The following C4orf54 variants were observed in gnomAD, a reference collection of about 807,000 sequenced individuals.
C4orf54 encodes uncharacterized protein C4orf54.
Under a neutral mutation model 80.1 loss-of-function variants are expected in C4orf54, and 67 were observed. The observed-to-expected ratio is 0.84, with a 90% CI of 0.69 to 1.03. The LOEUF is 1.03. C4orf54 is among the 50% of genes least tolerant of loss of function. C4orf54 has a pLI of 0.00. For synonymous variants in C4orf54, 1,000 were observed against 917.0 expected (o/e 1.09, Z -1.64); for missense variants, 2,434 against 2,253.5 (o/e 1.08, Z -1.62).
chr4:99,649,149 G>T, intron 2 of C4orf54, 82 bp downstream of exon 2: 1 of 1,265,410 alleles, frequency 7.9e-7, no homozygotes, highest in Non-Finnish European at 1.1e-6. Context: ...CTCCTTTATT[G>T]TAAATCTCTC....
Position 99,650,959 on chromosome 4 carries a change from C to G in C4orf54, c.3690G>C (p.Lys1230Asn). ...CCTCCTCCTTGAGCTTCTCTGGGGT[C>G]TTCTGGGTGGAAGCCTTGGAGACAA... is the stretch of plus-strand genomic sequence containing the variant. ...LKIVSKASTQKTPEKLKEEEV... is the reference protein window; with the variant it reads ...LKIVSKASTQNTPEKLKEEEV... The change falls in exon 2 of 3, where the codon AAG becomes AAC. Residue 1230 changes from lysine (K) to asparagine (N), a missense_variant. Coordinates refer to ENST00000511828, the MANE Select transcript of C4orf54 (RefSeq NM_001354435.2). The G allele has an allele frequency of 6.5e-7, 1 of 1,536,150 alleles. No homozygotes were observed. The highest frequency in any genetic ancestry group is 8.7e-7 in the Non-Finnish European group (1 of 1,146,924).
At position 99,652,684 on chromosome 4, in the gene C4orf54, T is replaced by G; in HGVS notation, c.1965A>C (p.Glu655Asp). 6.5e-7 allele frequency: 1 copy of G among 1,536,022 alleles called. No homozygotes were observed. The highest frequency in any genetic ancestry group is 8.7e-7 in the Non-Finnish European group (1 of 1,146,878). Residue 655 changes from glutamate (E) to aspartate (D), a missense_variant, in exon 2 of 3, where the codon GAA becomes GAC. Transcript: ENST00000511828. ...AAGTTGACCAGCGCCCAAAGCCCAC[T>G]TCGGAGAGCGTGGTGGAGGACTCCC... is the stretch of plus-strand genomic sequence containing the variant. ...SSRESSTTLS[E>D]VGFGRWSTFL...
chr4:99,637,174 A>G lies in C4orf54; in HGVS notation c.*4059T>C, dbSNP rs983403279. On this transcript the variant is annotated 3_prime_UTR_variant, in exon 3 of 3. Coordinates refer to ENST00000511828, the MANE Select transcript of C4orf54 (RefSeq NM_001354435.2). ...TTAACACTAGCCATAAAAAGCAATTATGAAACTTAAAAAAAGAAAAAGAAA... is the reference window on the plus strand; with the variant it reads ...TTAACACTAGCCATAAAAAGCAATTGTGAAACTTAAAAAAAGAAAAAGAAA... 1.3e-5 allele frequency: 2 copies of G among 152,214 alleles called. No individual in the cohort carries two copies. Among genetic ancestry groups the G allele is most frequent in the African/African-American group, 2.4e-5 (1 of 41,462 alleles). The allele number at this position is 152,214 out of a possible 1,614,324, so 9.4% of individuals were successfully genotyped here. A position where few individuals can be genotyped will look rare whatever the true frequency, so the allele number is the denominator to read the frequency against.
Position 99,653,986 on chromosome 4 carries a change from AC to A in C4orf54, c.662del (p.Gly221ValfsTer55). 6.5e-7 allele frequency: 1 copy of A among 1,535,714 alleles called. No individual in the cohort carries two copies. The highest frequency in any genetic ancestry group is 1.2e-5 in the South Asian group (1 of 84,028). On this transcript the variant is annotated frameshift_variant, in exon 2 of 3. Transcript: ENST00000511828. LOFTEE classifies it high-confidence loss of function. ...CCTTTGGGCTCCTAGAGGCCCTCTG[AC>A]CCCCAGGGCAGTGCCCCAGGGTAAG... The part of the protein sequence containing the change: ...MKLTLGHCPG[G>X]QRASRSPKEK...
Position 99,651,117 on chromosome 4 carries a change from C to A in C4orf54, c.3532G>T (p.Gly1178Cys). The A allele has an allele frequency of 6.5e-7, 1 of 1,536,150 alleles. No homozygotes were observed. ...REPRESMGKG[G>C]GSRVLNSSSP... Reference sequence around the variant, plus strand: ...GAAGAATTCAAGACTCTGCTGCCGCCCCCTTTGCCCATGCTTTCCCTGGGC... The same window carrying A: ...GAAGAATTCAAGACTCTGCTGCCGCACCCTTTGCCCATGCTTTCCCTGGGC... The change falls in exon 2 of 3, where the codon GGC becomes TGC. Residue 1178 changes from glycine to cysteine, a missense_variant. Coordinates refer to ENST00000511828, the MANE Select transcript of C4orf54 (RefSeq NM_001354435.2).
rs1345462615 is a variant in C4orf54, at chr4:99,639,231, T to C, written c.*2002A>G. 1 of 152,130 alleles carries C rather than the reference T, an allele frequency of 6.6e-6. No homozygotes were observed. Among genetic ancestry groups the C allele is most frequent in the Admixed American group, 6.6e-5 (1 of 15,262 alleles). The allele number at this position is 152,130 out of a possible 1,614,324, so 9.4% of individuals were successfully genotyped here. A position where few individuals can be genotyped will look rare whatever the true frequency, so the allele number is the denominator to read the frequency against. On this transcript the variant is annotated 3_prime_UTR_variant, in exon 3 of 3. Transcript: ENST00000511828. ...ACTATCCACCCAAATCCTATATAGG[T>C]TTCACCAGGTGTATTCAAATACTGG...
At position 99,650,662 on chromosome 4, in the gene C4orf54, A is replaced by G. The variant is rs1726799712; in HGVS notation, c.3987T>C (p.Gly1329=). The G allele has an allele frequency of 6.5e-7, 1 of 1,535,886 alleles. No individual in the cohort carries two copies. The highest frequency in any genetic ancestry group is 1.4e-5 in the African/African-American group (1 of 72,988). The change falls in exon 2 of 3, where the codon GGT becomes GGC. Residue 1329 remains glycine, a synonymous_variant. Transcript: ENST00000511828. ...VEERGTGNKA[G]VVLRGAPIER... ...CTATGGGGGCCCCTCGCAGGACCAC[A>G]CCAGCTTTGTTTCCTGTGCCCCGCT... is the stretch of plus-strand genomic sequence containing the variant.
rs1726539358 is a variant in C4orf54, at chr4:99,638,063, T to C, written c.*3170A>G. The C allele has an allele frequency of 6.6e-6, 1 of 152,146 alleles. No individual in the cohort carries two copies. The highest frequency in any genetic ancestry group is 1.5e-5 in the Non-Finnish European group (1 of 68,002). The allele number at this position is 152,146 out of a possible 1,614,324, so 9.4% of individuals were successfully genotyped here. A position where few individuals can be genotyped will look rare whatever the true frequency, so the allele number is the denominator to read the frequency against. On this transcript the variant is annotated 3_prime_UTR_variant, in exon 3 of 3. Coordinates refer to ENST00000511828, the MANE Select transcript of C4orf54 (RefSeq NM_001354435.2). ...AATCTATCTTTTTAAGAGGCAAGGATGATAATGTCAAATTTGAAAATAAGA... is the reference window on the plus strand; with the variant it reads ...AATCTATCTTTTTAAGAGGCAAGGACGATAATGTCAAATTTGAAAATAAGA...
Position 99,650,124 on chromosome 4 carries a change from G to T in C4orf54, c.4525C>A (p.Leu1509Met). ...SAATLCSLPP[L>M]SARSQVPSSS... ...CTGGGGACCTGACTGCGGGCACTCAGCGGGGGTAAACTACAGAGAGTGGCA... is the reference window on the plus strand; with the variant it reads ...CTGGGGACCTGACTGCGGGCACTCATCGGGGGTAAACTACAGAGAGTGGCA... The change falls in exon 2 of 3, where the codon CTG (leucine) becomes ATG (methionine). Residue 1509 changes from leucine (L) to methionine (M), a missense_variant. Leu to Met is a conservative substitution (Grantham distance 15, BLOSUM62 2). Transcript: ENST00000511828. 2 of 1,535,970 alleles carry T rather than the reference G, an allele frequency of 1.3e-6. No individual in the cohort carries two copies. The highest frequency in any genetic ancestry group is 1.7e-6 in the Non-Finnish European group (2 of 1,146,858).
At position 99,650,326 on chromosome 4, in the gene C4orf54, A is replaced by T; in HGVS notation, c.4323T>A (p.Ser1441=). 1 of 1,535,996 alleles carries T rather than the reference A, an allele frequency of 6.5e-7. No homozygotes were observed. The highest frequency in any genetic ancestry group is 1.2e-5 in the South Asian group (1 of 84,046). Residue 1441 remains serine, a synonymous_variant, in exon 2 of 3, where the codon TCT becomes TCA. Transcript: ENST00000511828. ...CATCAGGAGGTGCCCGGGTGGCTGG[A>T]GAGATCTTGAGGGACCGGAGTCCCT... The part of the protein sequence containing the change: ...KSQGLRSLKI[S]PATRAPPDEV...
rs1220754178 is a variant in C4orf54, at chr4:99,640,119, C to G, written c.*1114G>C. The G allele has an allele frequency of 6.6e-6, 1 of 152,166 alleles. No individual in the cohort carries two copies. Among genetic ancestry groups the G allele is most frequent in the Admixed American group, 6.6e-5 (1 of 15,262 alleles). The allele number at this position is 152,166 out of a possible 1,614,324, so 9.4% of individuals were successfully genotyped here. A position where few individuals can be genotyped will look rare whatever the true frequency, so the allele number is the denominator to read the frequency against. Reference sequence around the variant, plus strand: ...CTTCAAGACTCCCTGTGAACACTCACTCAAATAGCCTTCAGAATTGGGTTA... The same window carrying G: ...CTTCAAGACTCCCTGTGAACACTCAGTCAAATAGCCTTCAGAATTGGGTTA... On this transcript the variant is annotated 3_prime_UTR_variant, in exon 3 of 3. Coordinates refer to ENST00000511828, the MANE Select transcript of C4orf54 (RefSeq NM_001354435.2).
At chr4:99,646,101 A>G (rs1383289166) in intron 2 of C4orf54, among the ~76,000 whole-genome samples, 2 of 152,280 alleles carry the variant, frequency 1.3e-5, no homozygotes, top group East Asian at 1.9e-4. Flanking sequence ...ATGTCCAAAT[A>G]TATACGGGAA....
At chr4:99,641,425 T>G (rs538339880) in intron 2 of C4orf54, among the ~76,000 whole-genome samples, 2 of 152,288 alleles carry the variant, frequency 1.3e-5, no homozygotes, top group African/African-American at 4.8e-5. Flanking sequence ...AAGTGGAATT[T>G]GAATCAAATC....
chr4:99,642,136 G>A (rs1726617107), intron 2 of C4orf54, among the ~76,000 whole-genome samples: 1 of 152,082 alleles, frequency 6.6e-6, no homozygotes, highest in South Asian at 2.1e-4. Context: ...TTTATATTGA[G>A]GAATGACCTG....
Position 99,652,340 on chromosome 4 carries a change from C to T in C4orf54, c.2309G>A (p.Arg770Lys), listed in dbSNP as rs1488054747. The T allele has an allele frequency of 3.3e-6, 5 of 1,535,886 alleles. No individual in the cohort carries two copies. Among genetic ancestry groups the T allele is most frequent in the South Asian group, 1.2e-5 (1 of 84,048 alleles). Residue 770 changes from arginine to lysine, a missense_variant, in exon 2 of 3, where the codon AGG becomes AAG. Coordinates refer to ENST00000511828, the MANE Select transcript of C4orf54 (RefSeq NM_001354435.2). ...ACCCTTGCCGGGGCCTTTGGTGGCC[C>T]TGCCGGGCCCAGGGGCCGAGCTGGC... ...SKASSAPGPGRATKGPGKGPG... is the reference protein window; with the variant it reads ...SKASSAPGPGKATKGPGKGPG...
At position 99,653,480 on chromosome 4, in the gene C4orf54, G is replaced by GT; in HGVS notation, c.1168_1169insA (p.Ser390TyrfsTer86). On this transcript the variant is annotated frameshift_variant, in exon 2 of 3. Coordinates refer to ENST00000511828, the MANE Select transcript of C4orf54 (RefSeq NM_001354435.2). LOFTEE classifies it high-confidence loss of function. ...GTTGTTGTCCTCGAAATCCCAGCGG[G>GT]AGGCCAGTCCCACGTCGAAATCCAT... The GT allele has an allele frequency of 2.0e-6, 3 of 1,536,132 alleles. No homozygotes were observed. The South Asian group carries it at 3.6e-5, about 18-fold the overall frequency.
In C4orf54 at chr4:99,652,889, G is replaced by A. The variant is rs1408107160; in HGVS notation, c.1760C>T (p.Pro587Leu). The change falls in exon 2 of 3, where the codon CCT becomes CTT. Residue 587 changes from proline (P) to leucine (L), a missense_variant. Pro to Leu is a moderately conservative substitution (Grantham distance 98). Coordinates refer to ENST00000511828, the MANE Select transcript of C4orf54 (RefSeq NM_001354435.2). Reference protein sequence around the residue: ...QDHAKKFIAVPARLQTRCGAI... With the variant: ...QDHAKKFIAVLARLQTRCGAI... ...CCCGCACCTGGTTTGCAGGCGAGCA[G>A]GTACAGCAATGAATTTCTTTGCATG... 2 of 1,536,166 alleles carry A rather than the reference G, an allele frequency of 1.3e-6. No individual in the cohort carries two copies.
In C4orf54 at chr4:99,651,738, C is replaced by A. The variant is rs1472218061; in HGVS notation, c.2911G>T (p.Asp971Tyr). ...ATCTCCCCGAGATCAGCCCGCCAGT[C>A]GCCTCCTTTGGGCAGCTTCAGCTTC... ...IGKLKLPKGG[D>Y]WRADLGEISA... is the part of the protein sequence containing the mutation. Residue 971 changes from aspartate to tyrosine, a missense_variant, in exon 2 of 3, where the codon GAC becomes TAC. Coordinates refer to ENST00000511828, the MANE Select transcript of C4orf54 (RefSeq NM_001354435.2). 1.3e-6 allele frequency: 2 copies of A among 1,535,956 alleles called. No individual in the cohort carries two copies. Among genetic ancestry groups the A allele is most frequent in the Middle Eastern group, 1.7e-4 (1 of 6,012 alleles).
rs1471928932 is a variant in C4orf54, at chr4:99,651,180, C to A, written c.3469G>T (p.Ala1157Ser). ...SLSPMVITCQ[A>S]VVNQREDSMD... ...CTGTCTTCCCTCTGGTTCACTACAG[C>A]CTGGCATGTAATCACCATGGGGGAC... is the stretch of plus-strand genomic sequence containing the variant. The change falls in exon 2 of 3, where the codon GCT becomes TCT. Residue 1157 changes from alanine to serine, a missense_variant. Ala to Ser is a moderately conservative substitution (Grantham distance 99). Transcript: ENST00000511828. The A allele has an allele frequency of 3.9e-6, 6 of 1,536,066 alleles. No individual in the cohort carries two copies. Among genetic ancestry groups the A allele is most frequent in the Non-Finnish European group, 5.2e-6 (6 of 1,146,926 alleles).
Sources: allele counts gnomAD v4.1 joint callset (sites outside exome capture counted in the v4.1 genomes callset), GRCh38; gene constraint gnomAD v4.1.1; transcripts MANE v1.5; gene names NCBI Gene and HGNC (gene_info 2026-07-23, HGNC 2026-07-21).